Variants in ADGRV1 observed in about 807,000 individuals in gnomAD.
The protein encoded by ADGRV1 is adhesion G protein-coupled receptor V1, also known as G-protein coupled receptor 98.
A neutral mutation model predicts 596.2 loss-of-function variants in ADGRV1; 359 were observed. That is an observed-to-expected ratio of 0.60 (90% confidence interval 0.55 to 0.66). The LOEUF is 0.66. Among genes scored for constraint, ADGRV1 ranks in the 30% least tolerant of loss-of-function variants. ADGRV1 has a pLI of 0.00. For missense variants in ADGRV1, 7,274 were observed against 7,575.6 expected (o/e 0.96, Z 1.48); for synonymous variants, 2,681 against 2,679.2 (o/e 1.00, Z -0.02).
At chr5:90,953,597 CA>C (rs1777226684) in intron 83 of ADGRV1, among the ~76,000 whole-genome samples, 1 of 151,912 alleles carries the variant, frequency 6.6e-6, no homozygotes, top group Non-Finnish European at 1.5e-5. Context: ...AGACTCTTAA[CA>C]ATTCATAAAT....
At chr5:90,584,521 C>G (rs1376670546) in intron 1 of ADGRV1, among the ~76,000 whole-genome samples, 2 of 150,796 alleles carry the variant, frequency 1.3e-5, no homozygotes, top group African/African-American at 4.9e-5. Flanking sequence ...GTGGGGACCA[C>G]TTGTCTCTGC....
At chr5:90,975,222 G>C (rs1408935841) in intron 84 of ADGRV1, among the ~76,000 whole-genome samples, 2 of 151,766 alleles carry the variant, frequency 1.3e-5, no homozygotes, top group Non-Finnish European at 1.5e-5. Context: ...AGAGGATGTC[G>C]AGAAATAGGA....
At chr5:91,124,201 C>T (rs967014409) in intron 87 of ADGRV1, among the ~76,000 whole-genome samples, 1 of 152,088 alleles carries the variant, frequency 6.6e-6, no homozygotes, top group South Asian at 2.1e-4. Flanking sequence ...TACCATTATT[C>T]ATTACAGTGA....
chr5:90,759,266 C>A (rs1756184206), intron 57 of ADGRV1, 143 bp from the exon 58 acceptor site: 1 of 597,796 alleles, frequency 1.7e-6, no homozygotes, highest in Non-Finnish European at 2.9e-6. Context: ...TTTTTAGTAC[C>A]ATGTTTCTGA....
In ADGRV1 at chr5:90,846,540, C is replaced by T. The variant is rs559255759; in HGVS notation, c.17020-2097C>T. 1.1e-3 allele frequency: 173 copies of T among 159,896 alleles called. 1 individual carries two copies. Among genetic ancestry groups the T allele is most frequent in the African/African-American group, 3.8e-3 (157 of 41,700 alleles). 9.9% of individuals were successfully genotyped at this position (159,896 alleles called of 1,614,324 possible). On this transcript the variant is annotated intron_variant, in intron 78 of 89. Transcript: ENST00000405460. ...CAGTGAGTGTTACAGTTCTTAAAGG[C>T]GGCGTGTCTGGAGTTTGTTCCTTCT... is the stretch of plus-strand genomic sequence containing the variant.
At chr5:91,117,803 A>T (rs1261461622) in intron 87 of ADGRV1, among the ~76,000 whole-genome samples, 1 of 152,216 alleles carries the variant, frequency 6.6e-6, no homozygotes, top group Non-Finnish European at 1.5e-5. Context: ...TACTCTGGGT[A>T]TCATTGGGAA....
chr5:90,589,954 A>G (rs767248786), intron 1 of ADGRV1, among the ~76,000 whole-genome samples: 12 of 152,208 alleles, frequency 7.9e-5, no homozygotes, highest in Non-Finnish European at 1.3e-4. Flanking sequence ...ACTCACTTAT[A>G]TACATAAATA....
chr5:91,055,354 C>T (rs984774023), intron 85 of ADGRV1, among the ~76,000 whole-genome samples: 5 of 150,978 alleles, frequency 3.3e-5, no homozygotes, highest in Admixed American at 2.6e-4. Flanking sequence ...GTAGACATTA[C>T]AGTGTTACAG....
intron 1 of ADGRV1, among the ~76,000 whole-genome samples, chr5:90,571,410 T>G (rs1353138693): frequency 6.6e-6 from 1 of 152,172 alleles, no homozygotes; most frequent in Non-Finnish European, 1.5e-5. Context: ...CTTATACTTG[T>G]GTGTCATCTT....
chr5:90,756,353 A>G (rs1755827358), intron 55 of ADGRV1, 101 bp from the exon 56 acceptor site: 1 of 789,672 alleles, frequency 1.3e-6, no homozygotes, highest in East Asian at 2.5e-5. Context: ...CATTCCTGTG[A>G]ACAAAGTCAA....
intron 1 of ADGRV1, among the ~76,000 whole-genome samples, chr5:90,571,728 C>T (rs1756550046): frequency 6.6e-6 from 1 of 152,078 alleles, no homozygotes; most frequent in Admixed American, 6.6e-5. Context: ...GGCTTTCCTA[C>T]CCCATTCTGT....
chr5:91,085,525 G>C (rs1160290976), intron 86 of ADGRV1, among the ~76,000 whole-genome samples: 2 of 152,132 alleles, frequency 1.3e-5, no homozygotes, highest in Admixed American at 6.5e-5. Flanking sequence ...ACAACATGCT[G>C]TTATCTCACA....
intron 1 of ADGRV1, among the ~76,000 whole-genome samples, chr5:90,606,492 C>T (rs189275187): frequency 4.5e-4 from 69 of 152,122 alleles, no homozygotes; most frequent in Admixed American, 2.6e-3. Context: ...ATGCAAATAG[C>T]GACAACTACA....
chr5:91,143,276 C>T (rs1410954802), intron 87 of ADGRV1, among the ~76,000 whole-genome samples: 1 of 152,214 alleles, frequency 6.6e-6, no homozygotes, highest in East Asian at 1.9e-4. Flanking sequence ...CTCTTCTCTC[C>T]TTGTTGCCTG....
intron 1 of ADGRV1, among the ~76,000 whole-genome samples, chr5:90,604,157 A>AT (rs1165569912): frequency 2.6e-5 from 4 of 152,072 alleles, no homozygotes; most frequent in Admixed American, 2.0e-4. Context: ...CTAGACATCC[A>AT]TTTTTTTAAA....
At chr5:90,863,946 A>G in intron 83 of ADGRV1, 89 bp downstream of exon 83, 1 of 828,732 alleles carries the variant, frequency 1.2e-6, no homozygotes, top group Non-Finnish European at 2.0e-6. Flanking sequence ...AGTAAAGTTT[A>G]ATCTCAACTT....
At chr5:91,026,790 A>C (rs1248310494) in intron 85 of ADGRV1, among the ~76,000 whole-genome samples, 1 of 152,134 alleles carries the variant, frequency 6.6e-6, no homozygotes, top group Non-Finnish European at 1.5e-5. Context: ...AGCTAACCTC[A>C]GCTTTTATAC....
At chr5:90,586,852 G>A (rs1758822071) in intron 1 of ADGRV1, among the ~76,000 whole-genome samples, 1 of 152,074 alleles carries the variant, frequency 6.6e-6, no homozygotes, top group Non-Finnish European at 1.5e-5. Context: ...ATTTTACTAG[G>A]AGTTACAAAT....
chr5:90,693,927 A>T lies in ADGRV1; in HGVS notation c.7171A>T (p.Thr2391Ser), dbSNP rs531473759. ...TGGTCGGCTGTTGTTGTTCTACAGT[A>T]CTTCCGACATTGATGTAGTGGCTCT... ...HFGRLLLFYS[T>S]SDIDVVALAM... The change falls in exon 33 of 90, where the codon ACT becomes TCT. Residue 2391 changes from threonine to serine, a missense_variant. Around this residue, in one of 5 missense-constraint regions of ADGRV1, gnomAD observed 3,643 missense variants for 3,809.2 expected, o/e 0.96. Transcript: ENST00000405460. 1.1e-5 allele frequency: 17 copies of T among 1,593,078 alleles called. 1 individual carries two copies. In the South Asian group the frequency reaches 1.8e-4, roughly 17 times the overall value.
Sources: gnomAD v4.1 joint callset for allele counts (sites outside exome capture counted in the v4.1 genomes callset) on GRCh38, gnomAD v4.1.1 for gene constraint, gnomAD v4.1.1 regional missense constraint, MANE v1.5 for transcripts, NCBI Gene and HGNC (gene_info 2026-07-23, HGNC 2026-07-21) for gene names.